Variants in DENND5B observed in about 807,000 individuals in gnomAD.
DENND5B encodes the protein DENN domain-containing protein 5B.
A neutral mutation model predicts 140.6 loss-of-function variants in DENND5B; 34 were observed. The ratio of observed to expected loss-of-function variants is 0.24; its 90% CI spans 0.18 to 0.32. The LOEUF (loss-of-function observed/expected upper bound fraction) is 0.32. DENND5B is among the 10% of genes least tolerant of loss of function. The pLI is 1.00. For synonymous variants in DENND5B, 551 were observed against 562.1 expected (o/e 0.98, Z 0.28); for missense variants, 1,142 against 1,560.2 (o/e 0.73, Z 4.52).
intron 1 of DENND5B, among the ~76,000 whole-genome samples, chr12:31,514,072 C>T (rs1262945816): frequency 6.6e-6 from 1 of 152,068 alleles, no homozygotes; most frequent in African/African-American, 2.4e-5. Flanking sequence ...TCTCAAACTC[C>T]TGAGCTCAAG....
chr12:31,539,559 A>T (rs1456088621), intron 1 of DENND5B, among the ~76,000 whole-genome samples: 1 of 152,190 alleles, frequency 6.6e-6, no homozygotes, highest in Non-Finnish European at 1.5e-5. Flanking sequence ...CCAGGGATGC[A>T]AGGATAGTTC....
chr12:31,389,140 T>A lies in DENND5B; in HGVS notation c.3641+184A>T, dbSNP rs34076968. On this transcript the variant is annotated intron_variant, in intron 20 of 20. Coordinates refer to ENST00000389082, the MANE Select transcript of DENND5B (RefSeq NM_144973.4). ...CCAAGGGAGGAGGCAGAGGTTGCAG[T>A]GAGCCAAGATTATGCCACGGTACTC... 2.1e-3 allele frequency among the ~76,000 whole-genome samples: 314 copies of A among 152,314 alleles called. 1 individual carries two copies. The highest frequency in any genetic ancestry group is 3.8e-3 in the Non-Finnish European group (259 of 68,034).
At chr12:31,421,466 A>C (rs1416440680) in intron 11 of DENND5B, among the ~76,000 whole-genome samples, 2 of 152,194 alleles carry the variant, frequency 1.3e-5, no homozygotes, top group Non-Finnish European at 2.9e-5. Context: ...TTAAAAACTT[A>C]ATTTTTGCAT....
chr12:31,521,935 T>TAA, intron 1 of DENND5B, among the ~76,000 whole-genome samples: 1 of 152,360 alleles, frequency 6.6e-6, no homozygotes, highest in Non-Finnish European at 1.5e-5. Context: ...TCTTTATGAC[T>TAA]GGATAAAAAT....
At chr12:31,521,188 G>T (rs562544432) in intron 1 of DENND5B, among the ~76,000 whole-genome samples, 35 of 151,114 alleles carry the variant, frequency 2.3e-4, no homozygotes, top group African/African-American at 8.5e-4. Flanking sequence ...TAAAATAGGC[G>T]TCAAAAACAA....
intron 1 of DENND5B, among the ~76,000 whole-genome samples, chr12:31,566,788 T>A (rs923087566): frequency 6.6e-6 from 1 of 152,214 alleles, no homozygotes; most frequent in African/African-American, 2.4e-5. Context: ...ACAAGCATTA[T>A]CAACCAATAG....
intron 14 of DENND5B, among the ~76,000 whole-genome samples, chr12:31,405,992 T>G (rs756490364): frequency 7.9e-5 from 12 of 151,408 alleles, no homozygotes; most frequent in Non-Finnish European, 1.8e-4. Flanking sequence ...ATTACAGGTG[T>G]GCGCCCACCA....
At chr12:31,396,717 G>T (rs1384118538) in intron 17 of DENND5B, among the ~76,000 whole-genome samples, 2 of 151,984 alleles carry the variant, frequency 1.3e-5, no homozygotes, top group African/African-American at 4.8e-5. Context: ...CTACCTCCTG[G>T]GTTCAAGCAA....
intron 4 of DENND5B, among the ~76,000 whole-genome samples, chr12:31,456,817 G>A (rs907689805): frequency 6.6e-6 from 1 of 152,200 alleles, no homozygotes; most frequent in African/African-American, 2.4e-5. Flanking sequence ...CAGATGCTGT[G>A]GATGATGCTG....
chr12:31,398,451 TGCACCACCACAC>T, intron 16 of DENND5B, 89 bp from the exon 17 acceptor site: 1 of 1,269,762 alleles, frequency 7.9e-7, no homozygotes. Flanking sequence ...ACTACAGGTG[TGCACCACCACAC>T]CTGGCTAATT....
rs570243802 is a variant in DENND5B at position 31,482,690 on chromosome 12, C to T, written c.238-2435G>A. On this transcript the variant is annotated intron_variant, in intron 2 of 20. Transcript: ENST00000389082. The stretch of plus-strand genomic sequence containing the variant: ...AACTCCTGGGTAAAAGCAATCCTCC[C>T]GCCTCAGCCTCCTGAGTCAGAAAGT... Among the ~76,000 whole-genome samples the T allele has an allele frequency of 4.0e-4, 61 of 152,080 alleles. 1 individual carries two copies. In the South Asian group the frequency reaches 0.012, roughly 31 times the overall value.
chr12:31,563,496 A>G (rs138166566), intron 1 of DENND5B, among the ~76,000 whole-genome samples: 1 of 152,314 alleles, frequency 6.6e-6, no homozygotes, highest in Non-Finnish European at 1.5e-5. Context: ...AAGACAAAGC[A>G]GCAAAGTTTC....
At chr12:31,560,737 C>A (rs1949445946) in intron 1 of DENND5B, among the ~76,000 whole-genome samples, 1 of 152,134 alleles carries the variant, frequency 6.6e-6, no homozygotes, top group South Asian at 2.1e-4. Context: ...ATTATTCATT[C>A]CTCTTGTTCA....
chr12:31,483,979 G>A (rs1016534598), intron 2 of DENND5B, among the ~76,000 whole-genome samples: 1 of 149,898 alleles, frequency 6.7e-6, no homozygotes, highest in Admixed American at 6.7e-5. Context: ...TCAGCCTCCC[G>A]AGTAGCTGGG....
intron 1 of DENND5B, among the ~76,000 whole-genome samples, chr12:31,512,753 A>C (rs1371391609): frequency 6.6e-6 from 1 of 152,208 alleles, no homozygotes; most frequent in African/African-American, 2.4e-5. Context: ...CATTGTTTTA[A>C]GAAACTTTTT....
At position 31,495,924 on chromosome 12, in the gene DENND5B, A is replaced by G; in HGVS notation, c.128-5T>C. 6.3e-7 allele frequency: 1 copy of G among 1,585,604 alleles called. No homozygotes were observed. The highest frequency in any genetic ancestry group is 8.6e-7 in the Non-Finnish European group (1 of 1,161,458). ...GACTCTGGTCAAAATTTTCGCCTAC[A>G]ACAAATAATACATAGTTAATATCTA... On this transcript the variant is annotated splice_region_variant and splice_polypyrimidine_tract_variant and intron_variant, in intron 1 of 20. Coordinates refer to ENST00000389082, the MANE Select transcript of DENND5B (RefSeq NM_144973.4).
intron 9 of DENND5B, 41 bp downstream of exon 9, chr12:31,426,252 A>C: frequency 6.3e-7 from 1 of 1,575,050 alleles, no homozygotes; most frequent in Non-Finnish European, 8.6e-7. Context: ...CATGGTGTAA[A>C]CATGAATGCA....
chr12:31,546,850 T>C (rs1458628811), intron 1 of DENND5B, among the ~76,000 whole-genome samples: 1 of 152,232 alleles, frequency 6.6e-6, no homozygotes, highest in African/African-American at 2.4e-5. Flanking sequence ...ATTTGTTTGA[T>C]ACATTCGACA....
rs1234837307 is a variant in DENND5B at position 31,413,454 on chromosome 12, G to C, written c.2663C>G (p.Ser888Cys). The C allele has an allele frequency of 1.9e-6, 3 of 1,613,384 alleles. No individual in the cohort carries two copies. The highest frequency in any genetic ancestry group is 1.3e-5 in the African/African-American group (1 of 74,928). The change falls in exon 13 of 21, where the codon TCT becomes TGT. Residue 888 changes from serine to cysteine, a missense_variant. Physicochemically the swap from Ser to Cys is moderately radical, Grantham distance 112. Transcript: ENST00000389082. ...ATCTTACTTGGTGAGTGGTTGGTTA[G>C]AAAGCAACTGCTTAAGATGCTGGGA... ...LLSQHLKQLL[S>C]NQPLTKKLYK... is the part of the protein sequence containing the mutation.
Sources: allele counts gnomAD v4.1 joint callset (sites outside exome capture counted in the v4.1 genomes callset), GRCh38; gene constraint gnomAD v4.1.1; transcripts MANE v1.5; gene names NCBI Gene and HGNC (gene_info 2026-07-23, HGNC 2026-07-21).